ASPH: variants seen among roughly 807,000 people sequenced by gnomAD.
The protein encoded by ASPH is aspartate beta-hydroxylase.
A neutral mutation model predicts 118.4 loss-of-function variants in ASPH; 100 were observed. The ratio of observed to expected loss-of-function variants is 0.84; its 90% CI spans 0.72 to 1.00. The LOEUF (loss-of-function observed/expected upper bound fraction) is 1.00. Ranked by LOEUF, ASPH falls within the 50% of genes least tolerant of loss-of-function variation. ASPH has a pLI of 0.00. For missense variants in ASPH, 920 were observed against 919.5 expected, an observed-to-expected ratio of 1.00 and a Z score of -0.01; for synonymous variants, 315 against 325.6, an observed-to-expected ratio of 0.97 and a Z score of 0.35.
chr8:61,626,295 G>A (rs1256765980), intron 13 of ASPH: 1 of 1,557,860 alleles, frequency 6.4e-7, no homozygotes, highest in Non-Finnish European at 8.7e-7. Flanking sequence ...AAAAATAAGG[G>A]GAAATCTAAA....
chr8:61,679,774 T>G (rs758663184), intron 3 of ASPH, among the ~76,000 whole-genome samples: 13 of 151,848 alleles, frequency 8.6e-5, no homozygotes, highest in Admixed American at 2.0e-4. Context: ...TTTTGTTTCT[T>G]TTACATGCCT....
chr8:61,553,528 T>A (rs532892527), intron 19 of ASPH, among the ~76,000 whole-genome samples: 1 of 152,238 alleles, frequency 6.6e-6, no homozygotes, highest in Non-Finnish European at 1.5e-5. Flanking sequence ...CTGCTCATGT[T>A]TGAAGTGATG....
Position 61,548,155 on chromosome 8 carries a change from C to T in ASPH, c.1680G>A (p.Trp560Ter). ...CATTCACATTGTAGAGTGAGCGTTG[C>T]CAGACAGATGCAAAGTGTCCTCTCT... is the stretch of plus-strand genomic sequence containing the variant. ...GHKRGHFASV[W>*]QRSLYNVNGL... Residue 560 changes from tryptophan (W) to a stop codon, truncating the protein, a stop_gained, in exon 21 of 25, where the codon TGG (tryptophan) becomes TGA (stop). Coordinates refer to ENST00000379454, the MANE Select transcript of ASPH (RefSeq NM_004318.4). LOFTEE classifies it high-confidence loss of function. 6.2e-7 allele frequency: 1 copy of T among 1,613,914 alleles called. No individual in the cohort carries two copies. The highest frequency in any genetic ancestry group is 8.5e-7 in the Non-Finnish European group (1 of 1,179,894).
chr8:61,602,637 A>G (rs1844365096), intron 14 of ASPH, among the ~76,000 whole-genome samples: 1 of 151,260 alleles, frequency 6.6e-6, no homozygotes. Context: ...TAGGGACCTT[A>G]AGTGGATCAG....
intron 14 of ASPH, among the ~76,000 whole-genome samples, chr8:61,587,234 C>A (rs1017506044): frequency 3.3e-5 from 5 of 152,184 alleles, no homozygotes; most frequent in Non-Finnish European, 7.3e-5. Context: ...ACTGAAAAAA[C>A]AGTGAATAAT....
chr8:61,695,417 AG>A (rs1431986131), intron 1 of ASPH, among the ~76,000 whole-genome samples: 13 of 152,122 alleles, frequency 8.5e-5, no homozygotes, highest in Non-Finnish European at 1.8e-4. Flanking sequence ...CTAGCTGCCT[AG>A]ACACCTGCCC....
At chr8:61,656,285 G>A (rs970231135) in intron 3 of ASPH, 2 of 152,190 alleles carry the variant, frequency 1.3e-5, no homozygotes, top group African/African-American at 4.8e-5. Context: ...TGGGTAGGAA[G>A]GAAATTTATC....
intron 24 of ASPH, 27 bp from the exon 25 acceptor site, chr8:61,503,536 A>G (rs1805308190): frequency 6.3e-7 from 1 of 1,596,158 alleles, no homozygotes; most frequent in Non-Finnish European, 8.6e-7. Context: ...AGGATTCCTG[A>G]ATATAGTTTT....
At chr8:61,524,836 C>A (rs1375440216) in intron 22 of ASPH, among the ~76,000 whole-genome samples, 1 of 151,690 alleles carries the variant, frequency 6.6e-6, no homozygotes, top group Non-Finnish European at 1.5e-5. Flanking sequence ...TCTAGGAGGC[C>A]CAGTAGGTTC....
At chr8:61,642,616 A>G (rs928529515) in intron 10 of ASPH, among the ~76,000 whole-genome samples, 6 of 152,234 alleles carry the variant, frequency 3.9e-5, no homozygotes, top group Non-Finnish European at 7.3e-5. Flanking sequence ...CTGTAGTCCT[A>G]GCACTTTGGG....
At chr8:61,646,909 C>T in intron 5 of ASPH, 31 bp from the exon 6 acceptor site, 1 of 1,612,784 alleles carries the variant, frequency 6.2e-7, no homozygotes, top group Non-Finnish European at 8.5e-7. Context: ...ACACTGGCAA[C>T]ATACAACTGA....
chr8:61,575,619 A>T (rs1834878025), intron 16 of ASPH, among the ~76,000 whole-genome samples: 1 of 152,200 alleles, frequency 6.6e-6, no homozygotes, highest in African/African-American at 2.4e-5. Flanking sequence ...GTTAATAATT[A>T]AAAAAATCTT....
chr8:61,650,823 G>A (rs1473759386), intron 5 of ASPH, among the ~76,000 whole-genome samples: 5 of 152,042 alleles, frequency 3.3e-5, no homozygotes, highest in African/African-American at 9.7e-5. Context: ...ATTCCCACCA[G>A]TTCTCTCTTA....
At chr8:61,682,459 T>A in intron 2 of ASPH, 1 of 1,612,778 alleles carries the variant, frequency 6.2e-7, no homozygotes, top group Non-Finnish European at 8.5e-7. Context: ...CTCTGATAAG[T>A]TATAACGGAA....
At chr8:61,573,637 G>C (rs1412895313) in intron 16 of ASPH, among the ~76,000 whole-genome samples, 1 of 152,146 alleles carries the variant, frequency 6.6e-6, no homozygotes, top group Admixed American at 6.5e-5. Flanking sequence ...TTAATAAATG[G>C]TATTGGGAAA....
At chr8:61,704,194 C>CAAAAAAA (rs61553495) in intron 1 of ASPH, among the ~76,000 whole-genome samples, 2 of 40,446 alleles carry the variant, frequency 4.9e-5, no homozygotes, top group African/African-American at 2.4e-4. Context: ...GACTCCGTCT[C>CAAAAAAA]AAAAAAAAAA....
rs150889810 is a variant in ASPH, at chr8:61,568,507, T to C, written c.1150-1189A>G. Reference sequence around the variant, plus strand: ...TGGGGGCAGTATAGAATCAGGAGATTTGTTTTGGACATATTAAACCTAAAA... The same window carrying C: ...TGGGGGCAGTATAGAATCAGGAGATCTGTTTTGGACATATTAAACCTAAAA... On this transcript the variant is annotated intron_variant, in intron 16 of 24. Coordinates refer to ENST00000379454, the MANE Select transcript of ASPH (RefSeq NM_004318.4). 2.4e-3 allele frequency among the ~76,000 whole-genome samples: 366 copies of C among 152,246 alleles called. 2 individuals are homozygous for C. Among genetic ancestry groups the C allele is most frequent in the Non-Finnish European group, 4.5e-3 (309 of 68,008 alleles).
intron 18 of ASPH, among the ~76,000 whole-genome samples, chr8:61,558,303 G>A (rs1458197741): frequency 6.6e-6 from 1 of 152,170 alleles, no homozygotes; most frequent in Non-Finnish European, 1.5e-5. Context: ...AGTGTGGGAT[G>A]ATGGAGGAAA....
At chr8:61,545,806 G>T (rs1471345118) in intron 21 of ASPH, among the ~76,000 whole-genome samples, 1 of 152,150 alleles carries the variant, frequency 6.6e-6, no homozygotes, top group Non-Finnish European at 1.5e-5. Flanking sequence ...ATCCTTTTCT[G>T]GCTGTAGGGT....
Sources: allele counts gnomAD v4.1 joint callset (sites outside exome capture counted in the v4.1 genomes callset), GRCh38; gene constraint gnomAD v4.1.1; transcripts MANE v1.5; gene names NCBI Gene and HGNC (gene_info 2026-07-23, HGNC 2026-07-21).